Variants in STPG4 observed in about 807,000 individuals in gnomAD.
The protein encoded by STPG4 is protein STPG4.
A neutral mutation model predicts 31.5 loss-of-function variants in STPG4; 41 were observed. The ratio of observed to expected loss-of-function variants is 1.30; its 90% CI spans 1.01 to 1.69. The LOEUF is 1.69. Ranked by LOEUF, STPG4 falls within the 40% of genes most tolerant of loss-of-function variation. The pLI, the probability that STPG4 is intolerant of heterozygous loss-of-function variation, is 0.00. For synonymous variants in STPG4, 141 were observed against 103.0 expected, an observed-to-expected ratio of 1.37 and a Z score of -2.24; for missense variants, 375 against 293.4, an observed-to-expected ratio of 1.28 and a Z score of -2.03.
chr2:47,127,523 C>T (rs1360843299), intron 5 of STPG4, among the ~76,000 whole-genome samples: 1 of 152,112 alleles, frequency 6.6e-6, no homozygotes, highest in Non-Finnish European at 1.5e-5. Context: ...CCTGCCTCAG[C>T]CTCCCAAAGT....
At chr2:47,097,022 C>G (rs899175172) in intron 5 of STPG4, among the ~76,000 whole-genome samples, 16 of 151,932 alleles carry the variant, frequency 1.1e-4, no homozygotes, top group Admixed American at 9.8e-4. Flanking sequence ...TGGAGTAACC[C>G]CTTGAAGATA....
At chr2:47,102,743 A>G (rs1327527459) in intron 5 of STPG4, among the ~76,000 whole-genome samples, 5 of 151,792 alleles carry the variant, frequency 3.3e-5, no homozygotes, top group African/African-American at 9.7e-5. Context: ...ACCCCGGGCT[A>G]TCGGTTATGT....
At chr2:47,094,555 G>A (rs896163583) in intron 5 of STPG4, among the ~76,000 whole-genome samples, 1 of 152,178 alleles carries the variant, frequency 6.6e-6, no homozygotes, top group African/African-American at 2.4e-5. Flanking sequence ...GGCCTCTGGG[G>A]AGTTTGGAGT....
At chr2:47,094,976 T>A (rs1223548898) in intron 5 of STPG4, among the ~76,000 whole-genome samples, 2 of 152,122 alleles carry the variant, frequency 1.3e-5, no homozygotes, top group East Asian at 1.9e-4. Context: ...AATACACTCC[T>A]CTGGAGTGAA....
At chr2:47,089,857 A>T (rs1045244475) in intron 6 of STPG4, among the ~76,000 whole-genome samples, 1 of 152,176 alleles carries the variant, frequency 6.6e-6, no homozygotes, top group Non-Finnish European at 1.5e-5. Flanking sequence ...ATTTGGGTCA[A>T]TAAAAATGTT....
chr2:47,132,119 C>T (rs757281524), intron 3 of STPG4, among the ~76,000 whole-genome samples: 1 of 150,262 alleles, frequency 6.7e-6, no homozygotes, highest in East Asian at 2.0e-4. Flanking sequence ...GAGCCAAGAT[C>T]GTGCCACTGG....
Position 47,139,957 on chromosome 2 carries a change from G to A in STPG4, c.400-9697C>T, listed in dbSNP as rs368823709. Among the ~76,000 whole-genome samples, 808 of 152,148 alleles carry A rather than the reference G, an allele frequency of 5.3e-3. 1 individual carries two copies. Among genetic ancestry groups the A allele is most frequent in the Non-Finnish European group, 7.3e-3 (498 of 67,994 alleles). ...CACCCGGCTAATTTTTGTATTTTTA[G>A]TAGAGATGGGGTTTCATTCTGTTGG... On this transcript the variant is annotated intron_variant, in intron 3 of 6. Transcript: ENST00000445927.
At chr2:47,108,042 A>G (rs533813008) in intron 5 of STPG4, among the ~76,000 whole-genome samples, 3,771 of 151,584 alleles carry the variant, frequency 0.025, 89 homozygotes, top group African/African-American at 0.087. Context: ...GAATGCACCA[A>G]TCCACACTCT....
chr2:47,133,568 A>ATTTTTT (rs1347133934), intron 3 of STPG4, among the ~76,000 whole-genome samples: 16 of 36,278 alleles, frequency 4.4e-4, no homozygotes, highest in Non-Finnish European at 8.2e-4. Flanking sequence ...AGGCACTCAA[A>ATTTTTT]TCTTTTTTTT....
At position 47,102,876 on chromosome 2, in the gene STPG4, C is replaced by G. The variant is rs1393216621; in HGVS notation, c.520-12502G>C. Among the ~76,000 whole-genome samples, 4 of 151,796 alleles carry G rather than the reference C, an allele frequency of 2.6e-5. No homozygotes were observed. The East Asian group carries it at 7.7e-4, about 29-fold the overall frequency. On this transcript the variant is annotated intron_variant, in intron 5 of 6. Transcript: ENST00000445927. ...GGTTTTCAGATGATCCTGATAGGTA[C>G]ATAGATCCTATGTACCTATCAGGTC...
At chr2:47,147,435 G>A (rs1280840274) in intron 3 of STPG4, among the ~76,000 whole-genome samples, 2 of 152,190 alleles carry the variant, frequency 1.3e-5, no homozygotes, top group African/African-American at 4.8e-5. Flanking sequence ...TAGCGAAAAG[G>A]TGGGACAATC....
chr2:47,115,721 C>T (rs775576106), intron 5 of STPG4, among the ~76,000 whole-genome samples: 9 of 140,452 alleles, frequency 6.4e-5, no homozygotes, highest in Non-Finnish European at 9.0e-5. Context: ...GACGCGATCT[C>T]GGCTCACTGC....
intron 5 of STPG4, among the ~76,000 whole-genome samples, chr2:47,110,377 C>T (rs144212477): frequency 0.026 from 4,022 of 152,172 alleles, 186 homozygotes; most frequent in African/African-American, 0.092. Context: ...GCAGATCACT[C>T]GAGGTCAGGA....
intron 5 of STPG4, among the ~76,000 whole-genome samples, chr2:47,092,551 AGGG>A (rs1685590633): frequency 3.4e-4 from 12 of 35,684 alleles, no homozygotes; most frequent in African/African-American, 4.4e-4. Context: ...GGAGGGAGAA[AGGG>A]AGGGGAGGGA....
At chr2:47,088,643 C>G (rs1223790925) in intron 6 of STPG4, among the ~76,000 whole-genome samples, 1 of 152,230 alleles carries the variant, frequency 6.6e-6, no homozygotes, top group East Asian at 1.9e-4. Context: ...TTATCACCTA[C>G]TTGTCATTTC....
intron 3 of STPG4, among the ~76,000 whole-genome samples, 190 bp downstream of exon 3, chr2:47,151,068 T>C (rs916651352): frequency 1.3e-5 from 2 of 152,002 alleles, no homozygotes; most frequent in South Asian, 2.1e-4. Flanking sequence ...GTTAAGAAGA[T>C]GTTATAGGGA....
chr2:47,143,636 C>T (rs1466211622), intron 3 of STPG4, among the ~76,000 whole-genome samples: 1 of 152,112 alleles, frequency 6.6e-6, no homozygotes, highest in East Asian at 1.9e-4. Flanking sequence ...TAGGCGTGCG[C>T]CACCACGCCC....
chr2:47,145,413 A>G (rs999546216), intron 3 of STPG4, among the ~76,000 whole-genome samples: 7 of 152,352 alleles, frequency 4.6e-5, no homozygotes, highest in Admixed American at 4.6e-4. Context: ...CTGAGAGATT[A>G]TAACCATGGG....
intron 3 of STPG4, among the ~76,000 whole-genome samples, chr2:47,146,697 C>T (rs184875604): frequency 5.3e-5 from 8 of 152,212 alleles, no homozygotes; most frequent in Admixed American, 4.6e-4. Flanking sequence ...ATGAGATCAC[C>T]ATTCAGAGAA....
Sources: allele counts gnomAD v4.1 joint callset (sites outside exome capture counted in the v4.1 genomes callset), GRCh38; gene constraint gnomAD v4.1.1; transcripts MANE v1.5; gene names NCBI Gene and HGNC (gene_info 2026-07-23, HGNC 2026-07-21).